The following AARS2 variants were observed in gnomAD, a reference collection of about 807,000 sequenced individuals.
The protein encoded by AARS2 is alanine--tRNA ligase, mitochondrial.
Under a neutral mutation model 119.7 loss-of-function variants are expected in AARS2, and 78 were observed. The ratio of observed to expected loss-of-function variants is 0.65; its 90% CI spans 0.54 to 0.79. The LOEUF is 0.79. Ranked by LOEUF, AARS2 falls within the 30% of genes least tolerant of loss-of-function variation. The pLI, the probability that AARS2 is intolerant of heterozygous loss-of-function variation, is 0.00. For missense variants in AARS2, 1,157 were observed against 1,291.3 expected (o/e 0.90, Z 1.59); for synonymous variants, 502 against 526.3 (o/e 0.95, Z 0.63).
In AARS2 at chr6:44,301,240, C is replaced by T. The variant is rs61739426; in HGVS notation, c.2709G>A (p.Leu903=). 4.3e-6 allele frequency: 7 copies of T among 1,613,842 alleles called. No homozygotes were observed. Among genetic ancestry groups the T allele is most frequent in the Middle Eastern group, 1.6e-4 (1 of 6,062 alleles). The change falls in exon 21 of 22, where the codon CTG becomes CTA. Residue 903 remains leucine, a synonymous_variant. Transcript: ENST00000244571. ...LSVLVKVVRQ[L]CEQAPSTSVL... ...CAGACGTGCTGGGGGCCTGCTCACA[C>T]AGCTGCCGTACCACCTTCACCAGCA...
chr6:44,312,266 G>A lies in AARS2; in HGVS notation c.244-3C>T, dbSNP rs368758541. The A allele has an allele frequency of 1.7e-5, 27 of 1,613,594 alleles. No homozygotes were observed. The African/African-American group carries it at 2.7e-4, about 16-fold the overall frequency. ...GTGCCCAGAAAGATTGGCTTGAACT[G>A]GAAGCACATAGAGTGGGGAGGGGGA... On this transcript the variant is annotated splice_polypyrimidine_tract_variant and splice_region_variant and intron_variant, in intron 1 of 21. Transcript: ENST00000244571.
At position 44,306,311 on chromosome 6, in the gene AARS2, C is replaced by G. The variant is rs1785840750; in HGVS notation, c.1269G>C (p.Leu423=). 1 of 1,614,166 alleles carries G rather than the reference C, an allele frequency of 6.2e-7. No individual in the cohort carries two copies. The highest frequency in any genetic ancestry group is 8.5e-7 in the Non-Finnish European group (1 of 1,180,008). The part of the protein sequence containing the change: ...ERGRRIIDRT[L]RTLGPSDMFP... ...ACATATCTGAAGGCCCCAGGGTCCT[C>G]AGAGTCCGATCAATGATCCGCCTAC... is the stretch of plus-strand genomic sequence containing the variant. The change falls in exon 9 of 22, where the codon CTG becomes CTC. Residue 423 remains leucine (L), a synonymous_variant. Coordinates refer to ENST00000244571, the MANE Select transcript of AARS2 (RefSeq NM_020745.4).
rs1177574648 is a variant in AARS2, at chr6:44,312,090, A to G, written c.417T>C (p.Phe139=). ...GACTCACCTTAAAATATTCACCCCC[A>G]AAGGCCCAATTGCCAAGCATTTCAA... ...TFFEMLGNWA[F]GGEYFKEEAC... Residue 139 remains phenylalanine, a synonymous_variant, in exon 2 of 22, where the codon TTT becomes TTC. Coordinates refer to ENST00000244571, the MANE Select transcript of AARS2 (RefSeq NM_020745.4). 2 of 1,614,186 alleles carry G rather than the reference A, an allele frequency of 1.2e-6. No homozygotes were observed. The highest frequency in any genetic ancestry group is 1.7e-6 in the Non-Finnish European group (2 of 1,180,032).
Position 44,307,330 on chromosome 6 carries a change from G to A in AARS2, c.959C>T (p.Ala320Val), listed in dbSNP as rs201471937. 3 of 1,613,244 alleles carry A rather than the reference G, an allele frequency of 1.9e-6. No individual in the cohort carries two copies. The highest frequency in any genetic ancestry group is 2.2e-5 in the South Asian group (2 of 90,858). ...GATGTGGTCAGCCACCACGCGGTACGCTGTGTCTGTGCGCCCCTCGTCTGC... is the reference window on the plus strand; with the variant it reads ...GATGTGGTCAGCCACCACGCGGTACACTGTGTCTGTGCGCCCCTCGTCTGC... ...GVADEGRTDTAYRVVADHIRT... is the reference protein window; with the variant it reads ...GVADEGRTDTVYRVVADHIRT... Residue 320 changes from alanine to valine, a missense_variant, in exon 6 of 22, where the codon GCG becomes GTG. Physicochemically the swap from Ala to Val is moderately conservative, Grantham distance 64. Transcript: ENST00000244571. The surrounding 1 kb of genome is among the most constrained non-coding windows in gnomAD (Gnocchi z 4.4).
intron 21 of AARS2, 26 bp from the exon 22 acceptor site, chr6:44,300,737 C>T (rs565086376): frequency 4.4e-6 from 7 of 1,608,668 alleles, no homozygotes; most frequent in Middle Eastern, 1.7e-4. Flanking sequence ...GAAGAGGAAG[C>T]GATGCAGAGT....
rs763535217 is a variant in AARS2, at chr6:44,313,173, G to A, written c.151C>T (p.Arg51Trp). The A allele has an allele frequency of 7.4e-6, 12 of 1,612,902 alleles. No homozygotes were observed. In the South Asian group the frequency reaches 1.2e-4, roughly 16 times the overall value. ...ACCAGCCGGTGGCCATGGCGGTCCC[G>A]AAAGAAGTTCAGAAAGGCGGCCCTC... ...AVRAAFLNFF[R>W]DRHGHRLVPS... Residue 51 changes from arginine to tryptophan, a missense_variant, in exon 1 of 22, where the codon CGG becomes TGG. Physicochemically the swap from Arg to Trp is moderately radical, Grantham distance 101. Coordinates refer to ENST00000244571, the MANE Select transcript of AARS2 (RefSeq NM_020745.4).
intron 21 of AARS2, 180 bp downstream of exon 21, chr6:44,300,976 T>C: frequency 1.4e-6 from 1 of 724,170 alleles, no homozygotes; most frequent in South Asian, 1.8e-5. Context: ...TGGTGCCTTC[T>C]GGGGTGGGGA....
rs1367777812 is a variant in AARS2, at chr6:44,304,332, T to G, written c.1867-11A>C. 2 of 1,614,042 alleles carry G rather than the reference T, an allele frequency of 1.2e-6. No homozygotes were observed. Among genetic ancestry groups the G allele is most frequent in the Non-Finnish European group, 8.5e-7 (1 of 1,179,978 alleles). On this transcript the variant is annotated splice_polypyrimidine_tract_variant and intron_variant, in intron 13 of 21. Coordinates refer to ENST00000244571, the MANE Select transcript of AARS2 (RefSeq NM_020745.4). ...GCCTAGACGCCAGGCCTGAAATACTTTTGTCACCCAGCGTCCTGGGTGAGG... is the reference window on the plus strand; with the variant it reads ...GCCTAGACGCCAGGCCTGAAATACTGTTGTCACCCAGCGTCCTGGGTGAGG...
chr6:44,312,944 T>C (rs1786496407), intron 1 of AARS2, 137 bp downstream of exon 1: 2 of 1,375,718 alleles, frequency 1.5e-6, no homozygotes, highest in African/African-American at 1.4e-5. Context: ...CCCCCATCAC[T>C]TTACCCAACC....
chr6:44,301,581 AAGTCATTAG>A (rs1785363625), intron 19 of AARS2, 117 bp from the exon 20 acceptor site: 1 of 1,003,064 alleles, frequency 1.0e-6, no homozygotes. Flanking sequence ...CCCACCCCAA[AAGTCATTAG>A]CTCTAGGCAG....
rs200105202 is a variant in AARS2 at position 44,311,148 on chromosome 6, G to A, written c.595C>T (p.Arg199Cys). ...TCTTGTGGTCCAAAGGAAAGCACAC[G>A]GCTAGCAGGCACCCTGGGGAGAAAA... is the stretch of plus-strand genomic sequence containing the variant. Reference protein sequence around the residue: ...IWLSLGVPASRVLSFGPQENF... With the variant: ...IWLSLGVPASCVLSFGPQENF... The change falls in exon 4 of 22, where the codon CGT becomes TGT. Residue 199 changes from arginine (R) to cysteine (C), a missense_variant. By Grantham distance (180) the Arg-to-Cys change is radical (BLOSUM62 -3). Coordinates refer to ENST00000244571, the MANE Select transcript of AARS2 (RefSeq NM_020745.4). The A allele has an allele frequency of 1.1e-4, 172 of 1,613,986 alleles. No homozygotes were observed. Among genetic ancestry groups the A allele is most frequent in the Middle Eastern group, 1.6e-4 (1 of 6,082 alleles).
rs376105475 is a variant in AARS2 at position 44,305,737 on chromosome 6, C to T, written c.1350G>A (p.Leu450=). 16 of 1,614,016 alleles carry T rather than the reference C, an allele frequency of 9.9e-6. No individual in the cohort carries two copies. The African/African-American group carries it at 1.2e-4, about 12-fold the overall frequency. ...CCTCCAGCATCAGCTCTACCATGTC[C>T]AAGGGGAGTCCCAGGTCTCCACACA... ...LSLCGDLGLP[L]DMVELMLEEK... Residue 450 remains leucine (L), a synonymous_variant, in exon 10 of 22, where the codon TTG becomes TTA. Transcript: ENST00000244571. The surrounding 1 kb of genome is among the most constrained non-coding windows in gnomAD (Gnocchi z 4.6).
chr6:44,306,287 C>T lies in AARS2; in HGVS notation c.1293G>A (p.Met431Ile). 1 of 1,614,132 alleles carries T rather than the reference C, an allele frequency of 6.2e-7. No individual in the cohort carries two copies. The highest frequency in any genetic ancestry group is 8.5e-7 in the Non-Finnish European group (1 of 1,179,992). Residue 431 changes from methionine (M) to isoleucine (I), a missense_variant, in exon 9 of 22, where the codon ATG (methionine) becomes ATA (isoleucine). By Grantham distance (10) the Met-to-Ile change is conservative (BLOSUM62 1). Coordinates refer to ENST00000244571, the MANE Select transcript of AARS2 (RefSeq NM_020745.4). ...GCTAGGTATCCTGCTTACCAGGGAA[C>T]ATATCTGAAGGCCCCAGGGTCCTCA... ...RTLRTLGPSD[M>I]FPAEVAWSLS...
At chr6:44,304,973 G>A (rs1785709533) in intron 11 of AARS2, 81 bp downstream of exon 11, 1 of 1,611,858 alleles carries the variant, frequency 6.2e-7, no homozygotes, top group African/African-American at 1.3e-5. Flanking sequence ...ATACATAGGG[G>A]CTAGCAGCAA....
intron 7 of AARS2, 66 bp downstream of exon 7, chr6:44,306,857 G>A: frequency 6.8e-7 from 1 of 1,472,688 alleles, no homozygotes; most frequent in Non-Finnish European, 9.5e-7. Context: ...GCACTGTCTA[G>A]GCTCAGTGGT....
intron 19 of AARS2, 84 bp downstream of exon 19, chr6:44,301,976 C>A: frequency 7.1e-7 from 1 of 1,416,774 alleles, no homozygotes; most frequent in Non-Finnish European, 9.7e-7. Flanking sequence ...CTCTGACTCA[C>A]CCCCATGCCC....
intron 19 of AARS2, 48 bp downstream of exon 19, chr6:44,302,012 C>T (rs191792373): frequency 1.3e-5 from 21 of 1,589,120 alleles, no homozygotes; most frequent in Non-Finnish European, 1.8e-5. Flanking sequence ...CTCAGTGTAT[C>T]TGCTGGAGTG....
intron 2 of AARS2, among the ~76,000 whole-genome samples, chr6:44,311,807 T>C (rs1441626609): frequency 1.3e-5 from 2 of 152,364 alleles, no homozygotes; most frequent in East Asian, 3.9e-4. Context: ...CCTAGAGTGA[T>C]CTTTAACTCC....
chr6:44,303,499 G>A, intron 14 of AARS2, 76 bp from the exon 15 acceptor site: 1 of 1,601,080 alleles, frequency 6.2e-7, no homozygotes, highest in Non-Finnish European at 8.6e-7. Context: ...TTGAAACACG[G>A]TCAATGTTCA....
Sources: gnomAD v4.1 joint callset for allele counts (sites outside exome capture counted in the v4.1 genomes callset) on GRCh38, gnomAD v4.1.1 for gene constraint, Gnocchi (gnomAD v3.1) non-coding constraint, MANE v1.5 for transcripts, NCBI Gene and HGNC (gene_info 2026-07-23, HGNC 2026-07-21) for gene names.